The following TNNT2 variants were observed in gnomAD, a reference collection of about 807,000 sequenced individuals.
TNNT2 encodes troponin T2, cardiac type.
In TNNT2, 34 loss-of-function variants were observed where a neutral mutation model predicts 62.4. That is an observed-to-expected ratio of 0.54 (90% CI 0.41 to 0.72). The LOEUF is 0.72. Ranked by LOEUF, TNNT2 falls within the 30% of genes least tolerant of loss-of-function variation. The pLI, the probability that TNNT2 is intolerant of heterozygous loss-of-function variation, is 0.00. For synonymous variants in TNNT2, 123 were observed against 127.2 expected (o/e 0.97, Z 0.22); for missense variants, 275 against 381.9 (o/e 0.72, Z 2.33).
chr1:201,365,068 C>T (rs1659401636), intron 10 of TNNT2, 123 bp downstream of exon 10: 2 of 829,986 alleles, frequency 2.4e-6, no homozygotes, highest in Non-Finnish European at 4.3e-6. Flanking sequence ...CTGAAGGAGA[C>T]CTCACACCTA....
chr1:201,361,082 C>A, intron 15 of TNNT2, 197 bp downstream of exon 15: 1 of 700,484 alleles, frequency 1.4e-6, no homozygotes, highest in Non-Finnish European at 2.6e-6. Flanking sequence ...CTCTCAGACA[C>A]TTCCAGCAAG....
intron 8 of TNNT2, 116 bp downstream of exon 8, chr1:201,366,722 C>G: frequency 6.2e-7 from 1 of 1,604,612 alleles, no homozygotes; most frequent in Non-Finnish European, 8.5e-7. Context: ...CTGTGGTGCT[C>G]TGTGCCCACC....
chr1:201,365,940 C>T, intron 8 of TNNT2: 2 of 1,311,648 alleles, frequency 1.5e-6, no homozygotes, highest in Non-Finnish European at 2.0e-6. Context: ...CTTAGGAGAA[C>T]TGAGGCTCAG....
chr1:201,369,834 A>G lies in TNNT2; in HGVS notation c.79T>C (p.Trp27Arg). ...GTACTACCGTCTTCGTCCTCTCTCC[A>G]GTCCTCCTCTTCTGAGGTTCAGGGA... ...EEAAVEEEED[W>R]REDEDEQEEA... Residue 27 changes from tryptophan to arginine, a missense_variant, in exon 5 of 17, where the codon TGG becomes CGG. Transcript: ENST00000656932. 1 of 1,614,188 alleles carries G rather than the reference A, an allele frequency of 6.2e-7. No homozygotes were observed. The highest frequency in any genetic ancestry group is 1.1e-5 in the South Asian group (1 of 91,084).
intron 6 of TNNT2, 144 bp from the exon 7 acceptor site, chr1:201,367,950 A>T (rs1173247520): frequency 9.1e-6 from 10 of 1,093,026 alleles, no homozygotes; most frequent in Non-Finnish European, 1.4e-5. Flanking sequence ...TGTCTCTCAC[A>T]CACACATTCC....
chr1:201,361,595 A>G (rs750586864), intron 14 of TNNT2, among the ~76,000 whole-genome samples: 14 of 152,202 alleles, frequency 9.2e-5, no homozygotes, highest in Non-Finnish European at 1.6e-4. Flanking sequence ...AGTTCCAAGA[A>G]CAAGCGGGGA....
At chr1:201,366,462 G>T (rs1283943844) in intron 8 of TNNT2, 3 of 1,146,508 alleles carry the variant, frequency 2.6e-6, no homozygotes, top group Non-Finnish European at 3.2e-6. Context: ...GCCTATGCTG[G>T]CACGGTTTCA....
intron 6 of TNNT2, 21 bp from the exon 7 acceptor site, chr1:201,367,827 C>A: frequency 6.2e-7 from 1 of 1,614,104 alleles, no homozygotes; most frequent in Non-Finnish European, 8.5e-7. Context: ...CACGAGAAAT[C>A]AATCAAGGTC....
chr1:201,367,514 C>T, intron 7 of TNNT2: 1 of 598,714 alleles, frequency 1.7e-6, no homozygotes. Context: ...GGTCCCATTG[C>T]TCTGTCCAGA....
At chr1:201,367,996 TG>T (rs1342495883) in intron 6 of TNNT2, among the ~76,000 whole-genome samples, 165 bp downstream of exon 6, 1 of 152,154 alleles carries the variant, frequency 6.6e-6, no homozygotes, top group Admixed American at 6.5e-5. Context: ...AGAGAAGCGC[TG>T]GGTCAACGTT....
intron 15 of TNNT2, among the ~76,000 whole-genome samples, chr1:201,360,289 G>A (rs937696539): frequency 6.6e-6 from 1 of 152,230 alleles, no homozygotes; most frequent in East Asian, 1.9e-4. Flanking sequence ...GGGCTGCTAT[G>A]AGGGCATAGT....
intron 4 of TNNT2, among the ~76,000 whole-genome samples, chr1:201,371,431 A>G (rs1456318382): frequency 6.6e-6 from 1 of 152,250 alleles, no homozygotes; most frequent in Non-Finnish European, 1.5e-5. Flanking sequence ...GTCTCAGATC[A>G]CTGAGCAATT....
chr1:201,371,723 G>T (rs924036338), intron 4 of TNNT2, among the ~76,000 whole-genome samples: 7 of 152,038 alleles, frequency 4.6e-5, no homozygotes, highest in African/African-American at 1.7e-4. Flanking sequence ...TATTATTATT[G>T]CTACCTTTAT....
intron 5 of TNNT2, chr1:201,368,539 C>T (rs529140706): frequency 6.9e-5 from 34 of 493,852 alleles, no homozygotes; most frequent in South Asian, 4.3e-4. Context: ...CTGCTTAAGC[C>T]GAGGTGTCCA....
intron 11 of TNNT2, chr1:201,363,772 T>C (rs1659146897): frequency 5.8e-6 from 2 of 342,636 alleles, no homozygotes; most frequent in African/African-American, 2.1e-5. Context: ...GAGAGTCTTA[T>C]AAAATAACAC....
chr1:201,363,377 C>G lies in TNNT2; in HGVS notation c.519G>C (p.Glu173Asp). 6.2e-7 allele frequency: 1 copy of G among 1,613,948 alleles called. No individual in the cohort carries two copies. Among genetic ancestry groups the G allele is most frequent in the Non-Finnish European group, 8.5e-7 (1 of 1,179,860 alleles). Reference protein sequence around the residue: ...AEERARREEEENRRKAEDEAR... With the variant: ...AEERARREEEDNRRKAEDEAR... ...CCTCATCCTCAGCCTTCCTCCTGTT[C>G]TCCTCCTCCTCTCGTCGAGCCCTCT... The change falls in exon 12 of 17, where the codon GAG (glutamate) becomes GAC (aspartate). Residue 173 changes from glutamate (E) to aspartate (D), a missense_variant. Glu to Asp is a conservative substitution (Grantham distance 45). Coordinates refer to ENST00000656932, the MANE Select transcript of TNNT2 (RefSeq NM_001276345.2).
chr1:201,359,700 G>C, intron 15 of TNNT2, 37 bp from the exon 16 acceptor site: 1 of 1,566,654 alleles, frequency 6.4e-7, no homozygotes, highest in Non-Finnish European at 8.7e-7. Flanking sequence ...AGCAACGCTG[G>C]AGCTGACTGG....
At chr1:201,361,810 G>T in intron 14 of TNNT2, 103 bp downstream of exon 14, 1 of 1,109,896 alleles carries the variant, frequency 9.0e-7, no homozygotes, top group Non-Finnish European at 1.4e-6. Flanking sequence ...AATATGTGAG[G>T]CAGTCCTGCC....
intron 2 of TNNT2, among the ~76,000 whole-genome samples, chr1:201,372,915 A>T (rs1660861155): frequency 6.6e-6 from 1 of 152,284 alleles, no homozygotes; most frequent in Non-Finnish European, 1.5e-5. Flanking sequence ...CAGTTTCAGG[A>T]GACCCAACAT....
Sources: allele counts gnomAD v4.1 joint callset (sites outside exome capture counted in the v4.1 genomes callset), GRCh38; gene constraint gnomAD v4.1.1; transcripts MANE v1.5; gene names NCBI Gene and HGNC (gene_info 2026-07-23, HGNC 2026-07-21).